ARHGAP15: variants seen among roughly 807,000 people sequenced by gnomAD.
ARHGAP15 encodes rho GTPase-activating protein 15.
Under a neutral mutation model 63.7 loss-of-function variants are expected in ARHGAP15, and 51 were observed. The ratio of observed to expected loss-of-function variants is 0.80; its 90% CI spans 0.64 to 1.01. ARHGAP15 has a LOEUF of 1.01. Among genes scored for constraint, ARHGAP15 ranks in the 50% least tolerant of loss-of-function variants. ARHGAP15 has a pLI of 0.00. For missense variants in ARHGAP15, 560 were observed against 564.6 expected, an observed-to-expected ratio of 0.99 and a Z score of 0.08; for synonymous variants, 191 against 193.8, an observed-to-expected ratio of 0.99 and a Z score of 0.12.
At chr2:143,269,158 T>C (rs1681145676) in intron 6 of ARHGAP15, among the ~76,000 whole-genome samples, 1 of 152,152 alleles carries the variant, frequency 6.6e-6, no homozygotes, top group African/African-American at 2.4e-5. Context: ...ATTAAAAGCT[T>C]ATTAAAGTAA....
chr2:143,401,529 G>A (rs1223116734), intron 6 of ARHGAP15, among the ~76,000 whole-genome samples: 3 of 151,968 alleles, frequency 2.0e-5, no homozygotes, highest in African/African-American at 7.2e-5. Context: ...AAATGAATTG[G>A]TATTTTTTGT....
intron 3 of ARHGAP15, among the ~76,000 whole-genome samples, chr2:143,204,913 T>C (rs932343405): frequency 2.6e-5 from 4 of 151,812 alleles, no homozygotes; most frequent in African/African-American, 9.7e-5. Flanking sequence ...ATCACCTTTT[T>C]AAATAGGTCT....
intron 13 of ARHGAP15, among the ~76,000 whole-genome samples, chr2:143,717,306 G>A (rs2105454216): frequency 6.6e-6 from 1 of 152,318 alleles, no homozygotes; most frequent in East Asian, 1.9e-4. Flanking sequence ...AGATACCGTG[G>A]CCTCTCTGGC....
At chr2:143,168,494 G>T (rs1690638028) in intron 2 of ARHGAP15, among the ~76,000 whole-genome samples, 1 of 151,954 alleles carries the variant, frequency 6.6e-6, no homozygotes, top group Non-Finnish European at 1.5e-5. Flanking sequence ...TTCAATTTTA[G>T]TCTCTTAAAT....
chr2:143,253,546 G>A (rs1006766613), intron 6 of ARHGAP15, among the ~76,000 whole-genome samples: 1 of 151,908 alleles, frequency 6.6e-6, no homozygotes, highest in Admixed American at 6.6e-5. Flanking sequence ...TTAAGTTTTG[G>A]TATTCAACAA....
At chr2:143,742,763 G>A (rs970892525) in intron 13 of ARHGAP15, among the ~76,000 whole-genome samples, 21 of 152,172 alleles carry the variant, frequency 1.4e-4, no homozygotes, top group Admixed American at 3.3e-4. Flanking sequence ...AACCTGGCCC[G>A]GAGGCTTGTC....
At chr2:143,243,076 C>G (rs1396336643) in intron 5 of ARHGAP15, among the ~76,000 whole-genome samples, 1 of 152,078 alleles carries the variant, frequency 6.6e-6, no homozygotes, top group East Asian at 1.9e-4. Context: ...GCTGTGCGGC[C>G]AAATGATTTG....
intron 5 of ARHGAP15, chr2:143,236,110 A>G: frequency 9.5e-7 from 1 of 1,052,490 alleles, no homozygotes; most frequent in East Asian, 3.0e-5. Flanking sequence ...AACAACTCCT[A>G]CCAGGTGTCA....
At chr2:143,700,954 A>G (rs1253528313) in intron 12 of ARHGAP15, among the ~76,000 whole-genome samples, 1 of 152,148 alleles carries the variant, frequency 6.6e-6, no homozygotes, top group East Asian at 1.9e-4. Context: ...GGCAGAAAAG[A>G]TGAGGTCTGG....
rs569747780 is a variant in ARHGAP15, at chr2:143,357,694, G to A, written c.475-77907G>A. Among the ~76,000 whole-genome samples the A allele has an allele frequency of 3.9e-5, 6 of 152,206 alleles. No homozygotes were observed. In the South Asian group the frequency reaches 1.2e-3, roughly 32 times the overall value. On this transcript the variant is annotated intron_variant, in intron 6 of 13. Coordinates refer to ENST00000295095, the MANE Select transcript of ARHGAP15 (RefSeq NM_018460.4). ...TTTAAACAATTTAAGATTAAGTTGA[G>A]TATAGTAAAAATTAATAATAGATTA...
intron 6 of ARHGAP15, among the ~76,000 whole-genome samples, chr2:143,260,932 G>A (rs1483455496): frequency 6.6e-6 from 1 of 152,028 alleles, no homozygotes; most frequent in Admixed American, 6.6e-5. Context: ...AAGTAAAATC[G>A]ATAATGATTA....
At chr2:143,316,277 G>A (rs184423585) in intron 6 of ARHGAP15, among the ~76,000 whole-genome samples, 3 of 151,816 alleles carry the variant, frequency 2.0e-5, no homozygotes, top group Admixed American at 6.6e-5. Context: ...AAGCAGTATT[G>A]ACAACTGCTG....
At chr2:143,519,066 A>G in intron 9 of ARHGAP15, 200 bp from the exon 10 acceptor site, 1 of 419,332 alleles carries the variant, frequency 2.4e-6, no homozygotes, top group East Asian at 4.8e-5. Context: ...CAGTTTTCTC[A>G]CTCTGGGGCG....
intron 5 of ARHGAP15, among the ~76,000 whole-genome samples, chr2:143,245,033 A>G (rs1416271670): frequency 6.6e-6 from 1 of 152,226 alleles, no homozygotes; most frequent in African/African-American, 2.4e-5. Context: ...TAATGATTTC[A>G]CTGAGGTGAC....
chr2:143,281,640 T>C (rs974274047), intron 6 of ARHGAP15, among the ~76,000 whole-genome samples: 3 of 152,168 alleles, frequency 2.0e-5, no homozygotes, highest in Admixed American at 1.3e-4. Flanking sequence ...AGGTCCTCTT[T>C]ACATTGGCCA....
At chr2:143,290,250 A>T (rs1013195672) in intron 6 of ARHGAP15, among the ~76,000 whole-genome samples, 2 of 152,122 alleles carry the variant, frequency 1.3e-5, no homozygotes, top group African/African-American at 4.8e-5. Context: ...TAGAAGATCT[A>T]AGTATTGAGG....
chr2:143,385,749 G>A (rs73964504), intron 6 of ARHGAP15, among the ~76,000 whole-genome samples: 1 of 151,994 alleles, frequency 6.6e-6, no homozygotes, highest in Non-Finnish European at 1.5e-5. Flanking sequence ...CCGTTTGTTT[G>A]TATTAGATGA....
In ARHGAP15 at chr2:143,551,098, TAATA is replaced by T. The variant is rs550771065; in HGVS notation, c.926-5306_926-5303del. ...GAAATCAATAAATACCATTCAAAGT[TAATA>T]AATTAATAAACAGAAATATGACATA... On this transcript the variant is annotated intron_variant, in intron 10 of 13. Coordinates refer to ENST00000295095, the MANE Select transcript of ARHGAP15 (RefSeq NM_018460.4). 3.3e-3 allele frequency among the ~76,000 whole-genome samples: 509 copies of T among 152,320 alleles called. 3 individuals are homozygous for T. The highest frequency in any genetic ancestry group is 0.012 in the African/African-American group (487 of 41,572).
chr2:143,764,558 T>C (rs1686884738), intron 13 of ARHGAP15, among the ~76,000 whole-genome samples: 1 of 152,070 alleles, frequency 6.6e-6, no homozygotes, highest in African/African-American at 2.4e-5. Context: ...GTTTTCCTGC[T>C]CTCCCTTCAA....
Sources: allele counts gnomAD v4.1 joint callset (sites outside exome capture counted in the v4.1 genomes callset), GRCh38; gene constraint gnomAD v4.1.1; transcripts MANE v1.5; gene names NCBI Gene and HGNC (gene_info 2026-07-23, HGNC 2026-07-21).